SCHIP1: variants seen among roughly 807,000 people sequenced by gnomAD.
SCHIP1 encodes schwannomin interacting protein 1.
SCHIP1 carries 8 observed loss-of-function variants against 29.7 expected under a neutral mutation model. The ratio of observed to expected loss-of-function variants is 0.27; its 90% CI spans 0.16 to 0.49. The LOEUF is 0.49. Ranked by LOEUF, SCHIP1 falls within the 20% of genes least tolerant of loss-of-function variation. The pLI is 0.99. For missense variants in SCHIP1, 193 were observed against 294.6 expected, an observed-to-expected ratio of 0.66 and a Z score of 2.52; for synonymous variants, 76 against 94.9, an observed-to-expected ratio of 0.80 and a Z score of 1.16.
chr3:159,452,117 A>G, the SCHIP1 span, among the ~76,000 whole-genome samples: 2 of 151,466 alleles, frequency 1.3e-5, no homozygotes, highest in Non-Finnish European at 2.9e-5. Flanking sequence ...AAAGCCAAAA[A>G]AGGTCTCAAA....
At chr3:159,572,966 T>C in the SCHIP1 span, among the ~76,000 whole-genome samples, 1 of 151,084 alleles carries the variant, frequency 6.6e-6, no homozygotes, top group African/African-American at 2.4e-5. Context: ...ATTTGCTTGG[T>C]AGACCTTCCT....
chr3:159,784,388 A>C, the SCHIP1 span, among the ~76,000 whole-genome samples: 1 of 152,224 alleles, frequency 6.6e-6, no homozygotes, highest in African/African-American at 2.4e-5. Context: ...CCTTCTCTGC[A>C]GTTTTTCTTT....
chr3:159,777,472 T>C, the SCHIP1 span, among the ~76,000 whole-genome samples: 1 of 150,808 alleles, frequency 6.6e-6, no homozygotes, highest in South Asian at 2.2e-4. Context: ...CAAGACCCAC[T>C]ACACACCTCT....
the SCHIP1 span, among the ~76,000 whole-genome samples, chr3:159,536,331 G>T: frequency 2.0e-5 from 3 of 152,156 alleles, no homozygotes; most frequent in Admixed American, 6.5e-5. Flanking sequence ...ATGTAGTGGG[G>T]ACTGTGATCA....
chr3:159,369,676 T>C, the SCHIP1 span, among the ~76,000 whole-genome samples: 27 of 152,310 alleles, frequency 1.8e-4, no homozygotes, highest in Non-Finnish European at 3.5e-4. Flanking sequence ...GTTTGGTACA[T>C]TAATAACCAC....
the SCHIP1 span, among the ~76,000 whole-genome samples, chr3:159,471,888 T>G: frequency 6.6e-6 from 1 of 152,162 alleles, no homozygotes; most frequent in Non-Finnish European, 1.5e-5. Context: ...CTGTTATGTG[T>G]ACTGTGACAC....
chr3:159,313,741 C>T, the SCHIP1 span, among the ~76,000 whole-genome samples: 7 of 152,168 alleles, frequency 4.6e-5, no homozygotes, highest in Admixed American at 4.6e-4. Context: ...TCTGTTCTGG[C>T]ATCTAATCCA....
chr3:159,418,996 A>G, the SCHIP1 span, among the ~76,000 whole-genome samples: 1 of 152,238 alleles, frequency 6.6e-6, no homozygotes, highest in Non-Finnish European at 1.5e-5. Context: ...TCGCCCATGC[A>G]AGAAAATGGT....
chr3:159,626,141 T>G, the SCHIP1 span, among the ~76,000 whole-genome samples: 780 of 95,528 alleles, frequency 8.2e-3, 39 homozygotes, highest in African/African-American at 0.026. Flanking sequence ...TAGATAGATA[T>G]ATCTAGATAT....
the SCHIP1 span, among the ~76,000 whole-genome samples, chr3:159,602,745 C>T: frequency 1.3e-5 from 2 of 151,844 alleles, no homozygotes; most frequent in East Asian, 1.9e-4. Flanking sequence ...AACAAAACAT[C>T]AGCCCAAGGT....
chr3:159,741,781 A>C, the SCHIP1 span, among the ~76,000 whole-genome samples: 1 of 152,202 alleles, frequency 6.6e-6, no homozygotes, highest in African/African-American at 2.4e-5. Context: ...AGAGGTGGCA[A>C]CCCCAAACAA....
At chr3:159,589,989 C>T in the SCHIP1 span, among the ~76,000 whole-genome samples, 1 of 152,178 alleles carries the variant, frequency 6.6e-6, no homozygotes, top group East Asian at 1.9e-4. Context: ...TTTAATTTCA[C>T]ATAAATAATT....
At chr3:159,787,049 GGATTT>G in the SCHIP1 span, among the ~76,000 whole-genome samples, 1 of 152,014 alleles carries the variant, frequency 6.6e-6, no homozygotes, top group African/African-American at 2.4e-5. Context: ...TAGATACCAG[GGATTT>G]GACCTATGTA....
the SCHIP1 span, among the ~76,000 whole-genome samples, chr3:159,802,886 T>A: frequency 6.6e-6 from 1 of 152,232 alleles, no homozygotes; most frequent in Non-Finnish European, 1.5e-5. Context: ...AGGTTTTTTC[T>A]TTTTTCAATC....
chr3:159,350,247 G>A, the SCHIP1 span, among the ~76,000 whole-genome samples: 1 of 152,086 alleles, frequency 6.6e-6, no homozygotes, highest in African/African-American at 2.4e-5. Flanking sequence ...GAAAGTTGAG[G>A]TTAAAAACCC....
At chr3:159,305,022 T>C in the SCHIP1 span, among the ~76,000 whole-genome samples, 195 of 152,260 alleles carry the variant, frequency 1.3e-3, 2 homozygotes, top group African/African-American at 4.5e-3. Flanking sequence ...TTTTCAAATC[T>C]TTAAACCAGC....
chr3:159,496,698 G>A, the SCHIP1 span, among the ~76,000 whole-genome samples: 11 of 152,136 alleles, frequency 7.2e-5, no homozygotes, highest in African/African-American at 1.9e-4. Context: ...TCAGTGTGGC[G>A]ATTTCTCAGG....
chr3:159,423,322 A>G, the SCHIP1 span, among the ~76,000 whole-genome samples: 1 of 152,214 alleles, frequency 6.6e-6, no homozygotes, highest in Non-Finnish European at 1.5e-5. Flanking sequence ...GGGGTGACAG[A>G]CGGCACCTGG....
chr3:159,836,953 A>G (rs1176508761), upstream of SCHIP1, among the ~76,000 whole-genome samples: 1 of 152,162 alleles, frequency 6.6e-6, no homozygotes, highest in Non-Finnish European at 1.5e-5. Flanking sequence ...CCTGTCTAAT[A>G]TATTCATTTT....
Sources: gnomAD v4.1 joint callset for allele counts (sites outside exome capture counted in the v4.1 genomes callset) on GRCh38, gnomAD v4.1.1 for gene constraint, MANE v1.5 for transcripts, NCBI Gene and HGNC (gene_info 2026-07-23, HGNC 2026-07-21) for gene names.